Variants in CCSER1 observed in about 807,000 individuals in gnomAD.
The protein encoded by CCSER1 is coiled-coil serine rich protein 1, also known as serine-rich coiled-coil domain-containing protein 1.
Under a neutral mutation model 82.0 loss-of-function variants are expected in CCSER1, and 41 were observed. The observed-to-expected ratio is 0.50, with a 90% CI of 0.39 to 0.65. The LOEUF is 0.65. CCSER1 is among the 30% of genes least tolerant of loss of function. The pLI, the probability that CCSER1 is intolerant of heterozygous loss-of-function variation, is 0.00. For synonymous variants in CCSER1, 414 were observed against 383.9 expected (o/e 1.08, Z -0.92); for missense variants, 1,119 against 1,064.2 (o/e 1.05, Z -0.72).
intron 4 of CCSER1, among the ~76,000 whole-genome samples, chr4:90,413,981 A>AAAAAAAAAAAATAT (rs1560481885): frequency 1.9e-5 from 1 of 52,452 alleles, no homozygotes; most frequent in Non-Finnish European, 3.0e-5. Context: ...AAAAAAAAAA[A>AAAAAAAAAAAATAT]ATATATATAT....
intron 4 of CCSER1, among the ~76,000 whole-genome samples, chr4:90,435,853 C>T (rs941568354): frequency 6.6e-6 from 1 of 150,842 alleles, no homozygotes; most frequent in African/African-American, 2.5e-5. Context: ...TTGGTGAATA[C>T]TTCAAAAAAA....
chr4:90,551,136 G>C (rs1490498767), intron 5 of CCSER1, among the ~76,000 whole-genome samples: 1 of 152,030 alleles, frequency 6.6e-6, no homozygotes, highest in Non-Finnish European at 1.5e-5. Flanking sequence ...AATTTATATA[G>C]TTTAGAAGCT....
chr4:90,496,990 AAAAG>A (rs1319965321), intron 5 of CCSER1, among the ~76,000 whole-genome samples: 2 of 151,520 alleles, frequency 1.3e-5, no homozygotes, highest in South Asian at 4.1e-4. Context: ...AAAAAAAAAA[AAAAG>A]AAAGAGAAAG....
At chr4:90,773,649 G>A (rs745320437) in intron 7 of CCSER1, among the ~76,000 whole-genome samples, 15 of 152,186 alleles carry the variant, frequency 9.9e-5, no homozygotes, top group Admixed American at 5.9e-4. Context: ...CCAGGTGTTG[G>A]TATTTTCTGC....
chr4:90,980,558 G>T (rs1389867119), intron 9 of CCSER1, among the ~76,000 whole-genome samples: 1 of 151,784 alleles, frequency 6.6e-6, no homozygotes, highest in African/African-American at 2.4e-5. Context: ...GTAGAAACTG[G>T]CAGACTAGTT....
chr4:90,954,303 T>G (rs907970608), intron 9 of CCSER1, among the ~76,000 whole-genome samples: 3 of 152,062 alleles, frequency 2.0e-5, no homozygotes, highest in African/African-American at 7.2e-5. Flanking sequence ...GTATTCCTTC[T>G]CTCCAAAACA....
At chr4:90,383,590 C>T (rs191037072) in intron 3 of CCSER1, among the ~76,000 whole-genome samples, 4 of 151,996 alleles carry the variant, frequency 2.6e-5, no homozygotes, top group Admixed American at 2.0e-4. Flanking sequence ...TGTAGTATTA[C>T]CAAAGGCCAC....
chr4:91,572,468 G>T (rs1245311982), intron 10 of CCSER1, among the ~76,000 whole-genome samples: 1 of 152,080 alleles, frequency 6.6e-6, no homozygotes, highest in Non-Finnish European at 1.5e-5. Context: ...ATTCCTGGTT[G>T]CCTCAAACAC....
At chr4:90,194,763 A>C (rs569872272) in intron 1 of CCSER1, among the ~76,000 whole-genome samples, 2 of 152,234 alleles carry the variant, frequency 1.3e-5, no homozygotes, top group Non-Finnish European at 1.5e-5. Flanking sequence ...ATTGAAAAAA[A>C]CATGCTAGCT....
At chr4:90,879,510 G>C (rs563855681) in intron 8 of CCSER1, among the ~76,000 whole-genome samples, 1 of 144,952 alleles carries the variant, frequency 6.9e-6, no homozygotes, top group South Asian at 2.1e-4. Context: ...AGAAGAAGAA[G>C]AAGAAGAGGA....
intron 3 of CCSER1, among the ~76,000 whole-genome samples, chr4:90,377,391 A>G (rs1748506536): frequency 6.6e-6 from 1 of 152,200 alleles, no homozygotes; most frequent in Non-Finnish European, 1.5e-5. Context: ...AAATCTGAAC[A>G]TGTGCCAAAC....
intron 4 of CCSER1, among the ~76,000 whole-genome samples, chr4:90,404,462 T>C (rs1753408633): frequency 6.6e-6 from 1 of 152,136 alleles, no homozygotes; most frequent in Non-Finnish European, 1.5e-5. Flanking sequence ...CCTGAATACT[T>C]AACCAAGTGT....
chr4:90,524,542 C>G (rs1773512472), intron 5 of CCSER1, among the ~76,000 whole-genome samples: 1 of 152,092 alleles, frequency 6.6e-6, no homozygotes, highest in Admixed American at 6.5e-5. Context: ...GATCTTGGCT[C>G]ACTGCAACCT....
At chr4:90,997,485 A>G (rs1581290609) in intron 9 of CCSER1, among the ~76,000 whole-genome samples, 2 of 152,162 alleles carry the variant, frequency 1.3e-5, no homozygotes, top group South Asian at 4.1e-4. Context: ...TTTTATAAGT[A>G]AAGTAACATA....
intron 1 of CCSER1, among the ~76,000 whole-genome samples, chr4:90,289,554 A>T (rs1730543413): frequency 6.6e-6 from 1 of 151,746 alleles, no homozygotes; most frequent in Non-Finnish European, 1.5e-5. Context: ...ACACTCCTTT[A>T]CCCTAATAAA....
chr4:90,134,611 AT>A (rs139823049), intron 1 of CCSER1, among the ~76,000 whole-genome samples: 1 of 152,332 alleles, frequency 6.6e-6, no homozygotes, highest in Non-Finnish European at 1.5e-5. Context: ...TCCACTTCAT[AT>A]TTGAAGTTAT....
At chr4:91,177,105 A>ATAT (rs1327641529) in intron 10 of CCSER1, among the ~76,000 whole-genome samples, 4 of 152,120 alleles carry the variant, frequency 2.6e-5, no homozygotes, top group Admixed American at 2.0e-4. Flanking sequence ...GGTTCTGTTT[A>ATAT]TATGATGGAT....
intron 1 of CCSER1, among the ~76,000 whole-genome samples, chr4:90,301,744 G>A (rs1733172225): frequency 6.6e-6 from 1 of 151,938 alleles, no homozygotes; most frequent in Non-Finnish European, 1.5e-5. Context: ...GATAAGAATT[G>A]AGAAAAGATG....
intron 10 of CCSER1, among the ~76,000 whole-genome samples, chr4:91,200,845 TATTTG>T (rs1207668593): frequency 2.0e-5 from 3 of 152,082 alleles, no homozygotes; most frequent in African/African-American, 7.2e-5. Context: ...ATCTATAATG[TATTTG>T]ATTGTGTTTA....
Sources: gnomAD v4.1 joint callset for allele counts (sites outside exome capture counted in the v4.1 genomes callset) on GRCh38, gnomAD v4.1.1 for gene constraint, MANE v1.5 for transcripts, NCBI Gene and HGNC (gene_info 2026-07-23, HGNC 2026-07-21) for gene names.